INVS: variants seen among roughly 807,000 people sequenced by gnomAD.
INVS encodes the protein inversin.
INVS carries 86 observed loss-of-function variants against 108.8 expected under a neutral mutation model. The observed-to-expected ratio is 0.79, with a 90% CI of 0.66 to 0.95. The LOEUF is 0.95. Ranked by LOEUF, INVS falls within the 40% of genes least tolerant of loss-of-function variation. INVS has a pLI of 0.00. For synonymous variants in INVS, 455 were observed against 473.5 expected (o/e 0.96, Z 0.51); for missense variants, 1,169 against 1,297.4 (o/e 0.90, Z 1.52).
intron 3 of INVS, among the ~76,000 whole-genome samples, chr9:100,168,989 G>A (rs1433853413): frequency 6.6e-6 from 1 of 152,126 alleles, no homozygotes; most frequent in African/African-American, 2.4e-5. Flanking sequence ...TGCATAAGTT[G>A]TCATCTCATT....
chr9:100,104,282 C>T (rs980638555), intron 1 of INVS, among the ~76,000 whole-genome samples: 1 of 152,176 alleles, frequency 6.6e-6, no homozygotes, highest in Non-Finnish European at 1.5e-5. Flanking sequence ...CCAGGCTGCT[C>T]TCAAACTTCT....
intron 3 of INVS, among the ~76,000 whole-genome samples, chr9:100,199,654 A>T (rs1830482525): frequency 6.6e-6 from 1 of 152,188 alleles, no homozygotes; most frequent in Admixed American, 6.5e-5. Context: ...TCTGGTAGCC[A>T]TCGGTTCCGA....
At chr9:100,296,031 GAGGGAGGGGCTGCACCA>G (rs1833780436) in intron 14 of INVS, among the ~76,000 whole-genome samples, 1 of 152,160 alleles carries the variant, frequency 6.6e-6, no homozygotes. Flanking sequence ...TTTGGGGAAG[GAGGGAGGGGCTGCACCA>G]AGCGCTGCAA....
At chr9:100,177,044 C>G (rs1176915901) in intron 3 of INVS, among the ~76,000 whole-genome samples, 11 of 151,620 alleles carry the variant, frequency 7.3e-5, no homozygotes, top group Non-Finnish European at 1.0e-4. Context: ...ATGCCCTAAC[C>G]AAGGGAAACC....
At chr9:100,146,407 A>G (rs1478968543) in intron 3 of INVS, among the ~76,000 whole-genome samples, 2 of 152,136 alleles carry the variant, frequency 1.3e-5, no homozygotes, top group African/African-American at 4.8e-5. Flanking sequence ...AGAACAGGCC[A>G]TTTTCATTTC....
intron 12 of INVS, 130 bp from the exon 13 acceptor site, chr9:100,284,190 C>A: frequency 9.0e-7 from 1 of 1,106,594 alleles, no homozygotes; most frequent in Non-Finnish European, 1.3e-6. Context: ...AAAGACTGCT[C>A]TTGGAAAATG....
At chr9:100,246,515 T>G in intron 7 of INVS, 101 bp from the exon 8 acceptor site, 1 of 790,092 alleles carries the variant, frequency 1.3e-6, no homozygotes, top group Non-Finnish European at 2.1e-6. Flanking sequence ...AAGGGGAAAA[T>G]GCTTTGCTTC....
At chr9:100,168,126 G>C (rs1331938964) in intron 3 of INVS, among the ~76,000 whole-genome samples, 1 of 152,112 alleles carries the variant, frequency 6.6e-6, no homozygotes, top group Non-Finnish European at 1.5e-5. Flanking sequence ...GTGCAGCCTA[G>C]TGGAGAGCAG....
chr9:100,225,095 T>C (rs1831272547), intron 3 of INVS, among the ~76,000 whole-genome samples: 1 of 151,300 alleles, frequency 6.6e-6, no homozygotes, highest in Admixed American at 6.6e-5. Context: ...TCTCACTCTG[T>C]CGCCCAGCCT....
intron 14 of INVS, among the ~76,000 whole-genome samples, chr9:100,293,526 C>G (rs1371681992): frequency 6.6e-6 from 1 of 152,140 alleles, no homozygotes; most frequent in Non-Finnish European, 1.5e-5. Context: ...GTCTTTACTA[C>G]CCAGGAACTA....
chr9:100,161,576 C>G (rs748256035), intron 3 of INVS, among the ~76,000 whole-genome samples: 2 of 151,876 alleles, frequency 1.3e-5, no homozygotes, highest in Non-Finnish European at 2.9e-5. Context: ...ATTGGAGCCC[C>G]AGTGACTAAG....
intron 3 of INVS, among the ~76,000 whole-genome samples, chr9:100,143,979 C>A (rs942167174): frequency 6.6e-6 from 1 of 152,158 alleles, no homozygotes; most frequent in Non-Finnish European, 1.5e-5. Flanking sequence ...CCGAGAAGAT[C>A]TGGGAAGGAG....
At chr9:100,166,646 T>A (rs577232009) in intron 3 of INVS, among the ~76,000 whole-genome samples, 1 of 152,352 alleles carries the variant, frequency 6.6e-6, no homozygotes, top group South Asian at 2.1e-4. Flanking sequence ...TACAAAGTCC[T>A]GTTCACCTGT....
At chr9:100,177,707 G>T (rs142650795) in intron 3 of INVS, among the ~76,000 whole-genome samples, 1 of 152,210 alleles carries the variant, frequency 6.6e-6, no homozygotes, top group African/African-American at 2.4e-5. Context: ...ATCTTCAGCA[G>T]ACTTAAATGT....
chr9:100,196,303 C>T (rs949803344), intron 3 of INVS, among the ~76,000 whole-genome samples: 2 of 152,052 alleles, frequency 1.3e-5, no homozygotes, highest in Non-Finnish European at 2.9e-5. Flanking sequence ...GAATTCAGTC[C>T]TCAATTCTCC....
chr9:100,168,055 T>C (rs1425843860), intron 3 of INVS, among the ~76,000 whole-genome samples: 1 of 152,146 alleles, frequency 6.6e-6, no homozygotes, highest in East Asian at 1.9e-4. Context: ...TCTTTTTTTT[T>C]CTTCTGGTTA....
chr9:100,241,813 C>G (rs1390613309), intron 6 of INVS, among the ~76,000 whole-genome samples: 1 of 152,156 alleles, frequency 6.6e-6, no homozygotes, highest in East Asian at 1.9e-4. Context: ...GCAGTATATC[C>G]TTGCTCTGCT....
chr9:100,266,819 C>T (rs993707521), intron 11 of INVS, among the ~76,000 whole-genome samples: 2 of 151,956 alleles, frequency 1.3e-5, no homozygotes, highest in Non-Finnish European at 2.9e-5. Flanking sequence ...TAAAATGGCT[C>T]CTGCTATAAT....
At chr9:100,212,284 G>GCCA (rs1385387917) in intron 3 of INVS, among the ~76,000 whole-genome samples, 1 of 152,146 alleles carries the variant, frequency 6.6e-6, no homozygotes, top group African/African-American at 2.4e-5. Context: ...ATTGTACTGA[G>GCCA]CCATTTATGT....
Sources: gnomAD v4.1 joint callset for allele counts (sites outside exome capture counted in the v4.1 genomes callset) on GRCh38, gnomAD v4.1.1 for gene constraint, MANE v1.5 for transcripts, NCBI Gene and HGNC (gene_info 2026-07-23, HGNC 2026-07-21) for gene names.